Variants in ZNF425 observed in about 807,000 individuals in gnomAD.
ZNF425 encodes the protein zinc finger protein 425.
In ZNF425, 21 loss-of-function variants were observed where a neutral mutation model predicts 17.0. That is an observed-to-expected ratio of 1.23 (90% CI 0.88 to 1.78). The LOEUF (loss-of-function observed/expected upper bound fraction) is 1.78, where lower values mean the gene tolerates loss of function less well. Ranked by LOEUF, ZNF425 falls within the 40% of genes most tolerant of loss-of-function variation. The pLI is 0.00. For missense variants in ZNF425, 868 were observed against 967.3 expected (o/e 0.90, Z 1.36); for synonymous variants, 433 against 384.1 (o/e 1.13, Z -1.49).
At chr7:149,124,571 C>T (rs887322881) in intron 1 of ZNF425, among the ~76,000 whole-genome samples, 6 of 151,908 alleles carry the variant, frequency 3.9e-5, no homozygotes, top group Non-Finnish European at 5.9e-5. Flanking sequence ...GACGGAGTTT[C>T]GCTCTTGTTG....
At position 149,112,167 on chromosome 7, in the gene ZNF425, T is replaced by C; in HGVS notation, c.274A>G (p.Met92Val). Residue 92 changes from methionine to valine, a missense_variant, in exon 3 of 4, where the codon ATG becomes GTG. Met to Val is a conservative substitution (Grantham distance 21, BLOSUM62 1). This residue lies in a region of ZNF425 where 179 missense variants were observed against 216.3 expected (regional missense o/e 0.83). Transcript: ENST00000378061. ...TSPPTDEQLN[M>V]KNTGKLLCFD... ...CATAGCAACTTTCCAGTATTCTTCA[T>C]GTTCAACTGTTCATCAGTAGGAGGG... The C allele has an allele frequency of 9.3e-6, 15 of 1,614,100 alleles. No homozygotes were observed. Among genetic ancestry groups the C allele is most frequent in the Non-Finnish European group, 1.3e-5 (15 of 1,179,952 alleles).
At position 149,126,313 on chromosome 7, in the gene ZNF425, C is replaced by A. The variant is rs557140774; in HGVS notation, c.-100G>T. 8.9e-4 allele frequency: 1,331 copies of A among 1,491,000 alleles called. 2 individuals carry two copies. Among genetic ancestry groups the A allele is most frequent in the Non-Finnish European group, 1.1e-3 (1,197 of 1,118,734 alleles). 92.4% of individuals were successfully genotyped at this position (1,491,000 alleles called of 1,614,324 possible). On this transcript the variant is annotated 5_prime_UTR_variant, in exon 1 of 4. Transcript: ENST00000378061. The stretch of plus-strand genomic sequence containing the variant: ...GCCCTGCTGGCCCCCAAAGGCAGAG[C>A]CGGCCGGGCGCGGTGCATGCTGGGA...
At chr7:149,115,293 C>G (rs1826246406) in intron 2 of ZNF425, among the ~76,000 whole-genome samples, 2 of 151,680 alleles carry the variant, frequency 1.3e-5, no homozygotes, top group African/African-American at 4.8e-5. Context: ...GTGATAGAAA[C>G]AGGAGGTTGT....
rs1400303138 is a variant in ZNF425, at chr7:149,126,208, G to A, written c.6C>T (p.Ala2=). The stretch of plus-strand genomic sequence containing the variant: ...CGGCCCTTCTTACCGAAGCCGGCTC[G>A]GCCATGGCGGTTCCGCACGAACCGG... M[A]EPASVTVTFD... is the part of the protein sequence containing the mutation. The change falls in exon 1 of 4, where the codon GCC becomes GCT. Residue 2 remains alanine (A), a synonymous_variant. Coordinates refer to ENST00000378061, the MANE Select transcript of ZNF425 (RefSeq NM_001001661.3). 2 of 1,612,034 alleles carry A rather than the reference G, an allele frequency of 1.2e-6. No individual in the cohort carries two copies. Among genetic ancestry groups the A allele is most frequent in the East Asian group, 4.5e-5 (2 of 44,804 alleles).
At chr7:149,125,929 G>T in intron 1 of ZNF425, 1 of 641,580 alleles carries the variant, frequency 1.6e-6, no homozygotes, top group Non-Finnish European at 2.7e-6. Flanking sequence ...CTCAAGCGCT[G>T]CTCCCGCCTC....
rs75534831 is a variant in ZNF425 at position 149,121,079 on chromosome 7, CTTTTTTTTTTTTTTTT to C, written c.19-2747_19-2732del. Among the ~76,000 whole-genome samples the C allele has an allele frequency of 2.2e-4, 14 of 62,754 alleles. 1 individual carries two copies. Among genetic ancestry groups the C allele is most frequent in the African/African-American group, 1.1e-3 (13 of 11,524 alleles). 41.2% of individuals were successfully genotyped at this position (62,754 alleles called of 152,430 possible). The stretch of plus-strand genomic sequence containing the variant: ...AGAGTGGCTGGGCCATTTTACATTC[CTTTTTTTTTTTTTTTT>C]TTTTTTTTTTTTTTTTGAGACGGAG... On this transcript the variant is annotated intron_variant, in intron 1 of 3. Coordinates refer to ENST00000378061, the MANE Select transcript of ZNF425 (RefSeq NM_001001661.3).
intron 1 of ZNF425, chr7:149,118,618 C>T (rs947800400): frequency 4.8e-6 from 2 of 420,782 alleles, no homozygotes; most frequent in Non-Finnish European, 9.0e-6. Flanking sequence ...TTTGAGAGAC[C>T]AGCCTGGCCA....
chr7:149,118,092 A>T (rs1239713867), intron 2 of ZNF425, 130 bp downstream of exon 2: 2 of 964,418 alleles, frequency 2.1e-6, no homozygotes, highest in Non-Finnish European at 3.2e-6. Context: ...ATTATAGGAA[A>T]GGGAGGAGAC....
chr7:149,126,034 G>A, intron 1 of ZNF425, 162 bp downstream of exon 1: 2 of 1,411,164 alleles, frequency 1.4e-6, no homozygotes, highest in Non-Finnish European at 2.0e-6. Context: ...CACGCAGCAA[G>A]ACTGCACCTT....
At chr7:149,107,491 C>A (rs1375814915) in intron 3 of ZNF425, among the ~76,000 whole-genome samples, 1 of 151,898 alleles carries the variant, frequency 6.6e-6, no homozygotes, top group African/African-American at 2.4e-5. Flanking sequence ...GCGCCCACCA[C>A]CACGCCCGGC....
intron 1 of ZNF425, among the ~76,000 whole-genome samples, chr7:149,120,566 A>T (rs1040927909): frequency 2.6e-5 from 4 of 152,210 alleles, no homozygotes; most frequent in Admixed American, 6.6e-5. Flanking sequence ...CTATAAGATT[A>T]TAATATTGCA....
At chr7:149,107,645 T>C (rs1826103795) in intron 3 of ZNF425, among the ~76,000 whole-genome samples, 1 of 151,826 alleles carries the variant, frequency 6.6e-6, no homozygotes, top group Non-Finnish European at 1.5e-5. Flanking sequence ...CCAAGAATGA[T>C]ATATTTATAT....
intron 2 of ZNF425, among the ~76,000 whole-genome samples, chr7:149,116,240 C>T (rs1169270907): frequency 2.6e-5 from 4 of 152,160 alleles, no homozygotes; most frequent in African/African-American, 7.2e-5. Context: ...TCTGTAAATC[C>T]AGTCCTAACC....
chr7:149,116,308 T>C (rs904846205), intron 2 of ZNF425, among the ~76,000 whole-genome samples: 1 of 152,218 alleles, frequency 6.6e-6, no homozygotes, highest in Non-Finnish European at 1.5e-5. Flanking sequence ...TATATGAGCA[T>C]CTCAGATGTA....
chr7:149,124,336 T>A (rs1195691218), intron 1 of ZNF425, among the ~76,000 whole-genome samples: 2 of 148,870 alleles, frequency 1.3e-5, no homozygotes, highest in African/African-American at 5.0e-5. Context: ...TTTGTAATTT[T>A]AGTAGAGAGG....
chr7:149,104,938 G>C lies in ZNF425; in HGVS notation c.933C>G (p.Phe311Leu), dbSNP rs201916865. Reference sequence around the variant, plus strand: ...GCTCCGTGAGCTCGCACTGCTGCACGAAGGCCCGGCCGCACTCCCCGCAGC... The same window carrying C: ...GCTCCGTGAGCTCGCACTGCTGCACCAAGGCCCGGCCGCACTCCCCGCAGC... Reference protein sequence around the residue: ...PFCCGECGRAFVQQCELTEHL... With the variant: ...PFCCGECGRALVQQCELTEHL... Residue 311 changes from phenylalanine (F) to leucine (L), a missense_variant, in exon 4 of 4, where the codon TTC becomes TTG. By Grantham distance (22) the Phe-to-Leu change is conservative. Transcript: ENST00000378061. This position sits in a 1 kb window ranked among gnomAD's most constrained non-coding sequence, Gnocchi z 4.3. The C allele has an allele frequency of 8.7e-6, 14 of 1,613,746 alleles. No homozygotes were observed. The South Asian group carries it at 9.9e-5, about 11-fold the overall frequency.
In ZNF425 at chr7:149,123,621, T is replaced by A. The variant is rs191069367; in HGVS notation, c.18+2575A>T. 3.0e-3 allele frequency among the ~76,000 whole-genome samples: 464 copies of A among 152,190 alleles called. 1 individual carries two copies. The highest frequency in any genetic ancestry group is 0.011 in the African/African-American group (440 of 41,524). The stretch of plus-strand genomic sequence containing the variant: ...ATCTTGGCTCACTGCAACCTCTGCC[T>A]CCCAGGTTCAAGAGATTCTTCTGTC... On this transcript the variant is annotated intron_variant, in intron 1 of 3. Coordinates refer to ENST00000378061, the MANE Select transcript of ZNF425 (RefSeq NM_001001661.3).
intron 1 of ZNF425, 67 bp downstream of exon 1, chr7:149,126,129 C>G: frequency 6.2e-7 from 1 of 1,609,964 alleles, no homozygotes. Flanking sequence ...TGGACGCGGA[C>G]CCCAATCCAG....
Position 149,104,139 on chromosome 7 carries a change from C to T in ZNF425, c.1732G>A (p.Asp578Asn), listed in dbSNP as rs780877485. The T allele has an allele frequency of 1.2e-6, 2 of 1,613,456 alleles. No homozygotes were observed. Among genetic ancestry groups the T allele is most frequent in the Admixed American group, 1.7e-5 (1 of 59,976 alleles). Residue 578 changes from aspartate to asparagine, a missense_variant, in exon 4 of 4, where the codon GAC becomes AAC. Physicochemically the swap from Asp to Asn is conservative, Grantham distance 23. Coordinates refer to ENST00000378061, the MANE Select transcript of ZNF425 (RefSeq NM_001001661.3). The surrounding 1 kb of genome is among the most constrained non-coding windows in gnomAD (Gnocchi z 4.3). The stretch of plus-strand genomic sequence containing the variant: ...TCACCGCACGCGAAGGGCTTCTCGT[C>T]CCTGTGCATCCGCTGGTGGAACTTC... Reference protein sequence around the residue: ...SMKFHQRMHRDEKPFACGECD... With the variant: ...SMKFHQRMHRNEKPFACGECD...
Sources: gnomAD v4.1 joint callset for allele counts (sites outside exome capture counted in the v4.1 genomes callset) on GRCh38, gnomAD v4.1.1 for gene constraint, gnomAD v4.1.1 regional missense constraint, Gnocchi (gnomAD v3.1) non-coding constraint, MANE v1.5 for transcripts, NCBI Gene and HGNC (gene_info 2026-07-23, HGNC 2026-07-21) for gene names.